Variants in DHRS7 observed in about 807,000 individuals in gnomAD.
DHRS7 encodes the protein dehydrogenase/reductase SDR family member 7.
DHRS7 carries 34 observed loss-of-function variants against 38.9 expected under a neutral mutation model. The ratio of observed to expected loss-of-function variants is 0.87; its 90% CI spans 0.66 to 1.16. DHRS7 has a LOEUF of 1.16. Ranked by LOEUF, DHRS7 falls within the 50% of genes most tolerant of loss-of-function variation. DHRS7 has a pLI of 0.00. For synonymous variants in DHRS7, 158 were observed against 153.1 expected (o/e 1.03, Z -0.24); for missense variants, 421 against 407.0 (o/e 1.03, Z -0.30).
upstream of DHRS7, among the ~76,000 whole-genome samples, chr14:60,166,957 A>G (rs1008070424): frequency 1.3e-5 from 2 of 150,838 alleles, no homozygotes; most frequent in African/African-American, 4.9e-5. Flanking sequence ...AAGGATAGTT[A>G]CCAGAGGCTG....
At chr14:60,157,535 T>C (rs1896682361) in intron 1 of DHRS7, among the ~76,000 whole-genome samples, 1 of 152,232 alleles carries the variant, frequency 6.6e-6, no homozygotes, top group South Asian at 2.1e-4. Context: ...TTACTTCCTA[T>C]GTACTTAGCA....
chr14:60,157,626 A>G (rs1314401527), intron 1 of DHRS7, among the ~76,000 whole-genome samples: 2 of 152,206 alleles, frequency 1.3e-5, no homozygotes, highest in Non-Finnish European at 2.9e-5. Context: ...ACTGAGGTTT[A>G]CAGAGATTAA....
rs1479856467 is a variant in DHRS7 at position 60,153,000 on chromosome 14, A to C, written c.572T>G (p.Ile191Ser). 8 of 1,614,074 alleles carry C rather than the reference A, an allele frequency of 5.0e-6. No individual in the cohort carries two copies. Among genetic ancestry groups the C allele is most frequent in the Middle Eastern group, 1.6e-4 (1 of 6,084 alleles). The change falls in exon 4 of 7, where the codon ATC becomes AGC. Residue 191 changes from isoleucine (I) to serine (S), a missense_variant. Coordinates refer to ENST00000557185, the MANE Select transcript of DHRS7 (RefSeq NM_016029.4). The part of the protein sequence containing the change: ...KQGKIVTVNS[I>S]LGIISVPLSI... ...AAGAGGTACAGATATGATACCCAGG[A>C]TGCTATTCACAGTAACAATCTTTCC...
chr14:60,144,772 A>C lies in DHRS7; in HGVS notation c.*194T>G. ...TTTATCCAAGAATATAGTATGAGTT[A>C]ATACCTTTTTTGCAAGATTCATGGC... On this transcript the variant is annotated 3_prime_UTR_variant, in exon 7 of 7. Transcript: ENST00000557185. 1 of 586,086 alleles carries C rather than the reference A, an allele frequency of 1.7e-6. No individual in the cohort carries two copies. The highest frequency in any genetic ancestry group is 2.3e-5 in the South Asian group (1 of 44,346). 36.3% of individuals were successfully genotyped at this position (586,086 alleles called of 1,614,324 possible).
chr14:60,149,625 C>G, intron 5 of DHRS7, 57 bp from the exon 6 acceptor site: 1 of 1,404,308 alleles, frequency 7.1e-7, no homozygotes, highest in Non-Finnish European at 9.7e-7. Flanking sequence ...TAACTTTAAG[C>G]TAGAAAGGAC....
At chr14:60,163,338 G>C (rs749107833) in intron 1 of DHRS7, among the ~76,000 whole-genome samples, 45 of 151,966 alleles carry the variant, frequency 3.0e-4, no homozygotes, top group African/African-American at 8.7e-4. Context: ...TATGGTTTTT[G>C]AGACAGTGTC....
rs1315042466 is a variant in DHRS7, at chr14:60,153,943, A to G, written c.393+16T>C. 4 of 1,604,464 alleles carry G rather than the reference A, an allele frequency of 2.5e-6. No homozygotes were observed. The South Asian group carries it at 3.3e-5, about 13-fold the overall frequency. ...TACTTCAAAGCAAGACTATATCAAT[A>G]TAAGATGCTACTTACTCTACCAAAC... On this transcript the variant is annotated intron_variant, in intron 3 of 6. Coordinates refer to ENST00000557185, the MANE Select transcript of DHRS7 (RefSeq NM_016029.4). The surrounding 1 kb of genome is among the most constrained non-coding windows in gnomAD (Gnocchi z 4.4).
intron 6 of DHRS7, chr14:60,147,216 C>T (rs973741566): frequency 6.6e-6 from 1 of 151,964 alleles, no homozygotes; most frequent in African/African-American, 2.4e-5. Context: ...GCCTGGGTGA[C>T]AGGGCGAGAC....
chr14:60,158,529 T>C (rs1397086793), intron 1 of DHRS7, among the ~76,000 whole-genome samples: 1 of 151,734 alleles, frequency 6.6e-6, no homozygotes, highest in Non-Finnish European at 1.5e-5. Context: ...CCTCTTGATA[T>C]TTACACACAT....
At chr14:60,168,588 T>TA (rs1394562266), upstream of DHRS7, 1 of 1,383,046 alleles carries the variant, frequency 7.2e-7, no homozygotes. Context: ...AGTAAAAAGT[T>TA]AAAAAAATTA....
intron 1 of DHRS7, among the ~76,000 whole-genome samples, chr14:60,158,464 A>G (rs1896701807): frequency 1.3e-5 from 2 of 152,170 alleles, no homozygotes; most frequent in Non-Finnish European, 1.5e-5. Context: ...TCTAGAGTGA[A>G]TATCATTTGT....
chr14:60,165,374 T>A lies in DHRS7; in HGVS notation c.-65A>T, dbSNP rs2140619631. On this transcript the variant is annotated 5_prime_UTR_variant, in exon 1 of 7. Coordinates refer to ENST00000557185, the MANE Select transcript of DHRS7 (RefSeq NM_016029.4). This position sits in a 1 kb window ranked among gnomAD's most constrained non-coding sequence, Gnocchi z 4.6. ...CCGCACCAGAGTCGCGTCGCTGCCC[T>A]GCGGGATCGCAGCGCCACCCCTTCG... 6.6e-7 allele frequency: 1 copy of A among 1,522,230 alleles called. No homozygotes were observed. Among genetic ancestry groups the A allele is most frequent in the East Asian group, 2.4e-5 (1 of 41,148 alleles). 94.3% of individuals were successfully genotyped at this position (1,522,230 alleles called of 1,614,324 possible). A position where few individuals can be genotyped will look rare whatever the true frequency, so the allele number is the denominator to read the frequency against.
At chr14:60,165,463 G>A, upstream of DHRS7, 1 of 1,357,576 alleles carries the variant, frequency 7.4e-7, no homozygotes, top group Non-Finnish European at 9.4e-7. This position sits in a 1 kb window ranked among gnomAD's most constrained non-coding sequence, Gnocchi z 4.6. Context: ...GGAGCGGCTC[G>A]GGCGCGCCGG....
At chr14:60,156,256 A>C in intron 1 of DHRS7, 104 bp from the exon 2 acceptor site, 1 of 979,672 alleles carries the variant, frequency 1.0e-6, no homozygotes, top group Non-Finnish European at 1.4e-6. Context: ...ACCACTAAAT[A>C]TGAAGGCATG....
rs1363280921 is a variant in DHRS7 at position 60,145,049 on chromosome 14, A to G, written c.973-36T>C. On this transcript the variant is annotated intron_variant, in intron 6 of 6. Transcript: ENST00000557185. This position sits in a 1 kb window ranked among gnomAD's most constrained non-coding sequence, Gnocchi z 4.0. ...GGGACAGAAACATGGATCAGTACCTACTCCTATTTACTCCAGTTTTTAACA... is the reference window on the plus strand; with the variant it reads ...GGGACAGAAACATGGATCAGTACCTGCTCCTATTTACTCCAGTTTTTAACA... 7.3e-7 allele frequency: 1 copy of G among 1,365,314 alleles called. No homozygotes were observed. Among genetic ancestry groups the G allele is most frequent in the Admixed American group, 2.5e-5 (1 of 40,106 alleles). 84.6% of individuals were successfully genotyped at this position (1,365,314 alleles called of 1,614,324 possible).
chr14:60,152,598 T>TC, intron 4 of DHRS7: 1 of 230,850 alleles, frequency 4.3e-6, no homozygotes, highest in South Asian at 7.1e-5. Flanking sequence ...TCCATGAAGA[T>TC]TTAGTAGGAA....
chr14:60,149,030 T>C (rs529685295), intron 6 of DHRS7: 9 of 294,024 alleles, frequency 3.1e-5, no homozygotes, highest in Non-Finnish European at 4.5e-5. Flanking sequence ...TGGAGTGCAG[T>C]GGCACCATCC....
rs1896397958 is a variant in DHRS7 at position 60,146,035 on chromosome 14, A to G, written c.973-1022T>C. The G allele has an allele frequency of 6.7e-6, 1 of 149,910 alleles. No individual in the cohort carries two copies. The highest frequency in any genetic ancestry group is 1.5e-5 in the Non-Finnish European group (1 of 67,532). 9.3% of individuals were successfully genotyped at this position (149,910 alleles called of 1,614,324 possible). ...AAAATTTATATATATACATATATATAAAATATAAAATAGTGGGAGAGAGGA... is the reference window on the plus strand; with the variant it reads ...AAAATTTATATATATACATATATATGAAATATAAAATAGTGGGAGAGAGGA... On this transcript the variant is annotated intron_variant, in intron 6 of 6. Coordinates refer to ENST00000557185, the MANE Select transcript of DHRS7 (RefSeq NM_016029.4). This position sits in a 1 kb window ranked among gnomAD's most constrained non-coding sequence, Gnocchi z 4.9.
At chr14:60,165,933 C>A (rs1211129138), upstream of DHRS7, among the ~76,000 whole-genome samples, 1 of 152,222 alleles carries the variant, frequency 6.6e-6, no homozygotes, top group African/African-American at 2.4e-5. This position sits in a 1 kb window ranked among gnomAD's most constrained non-coding sequence, Gnocchi z 4.6. Flanking sequence ...AAGCCATGTG[C>A]TGTGTTGGCA....
Sources: gnomAD v4.1 joint callset for allele counts (sites outside exome capture counted in the v4.1 genomes callset) on GRCh38, gnomAD v4.1.1 for gene constraint, Gnocchi (gnomAD v3.1) non-coding constraint, MANE v1.5 for transcripts, NCBI Gene and HGNC (gene_info 2026-07-23, HGNC 2026-07-21) for gene names.